IQGAP2: variants seen among roughly 807,000 people sequenced by gnomAD.
The protein encoded by IQGAP2 is IQ motif containing GTPase activating protein 2, also known as ras GTPase-activating-like protein IQGAP2.
In IQGAP2, 173 loss-of-function variants were observed where a neutral mutation model predicts 201.3. The ratio of observed to expected loss-of-function variants is 0.86; its 90% CI spans 0.76 to 0.98. IQGAP2 has a LOEUF of 0.98. Among genes scored for constraint, IQGAP2 ranks in the 50% least tolerant of loss-of-function variants. The pLI, the probability that IQGAP2 is intolerant of heterozygous loss-of-function variation, is 0.00. For missense variants in IQGAP2, 1,687 were observed against 1,864.8 expected, an observed-to-expected ratio of 0.90 and a Z score of 1.76; for synonymous variants, 675 against 673.9, an observed-to-expected ratio of 1.00 and a Z score of -0.03.
At chr5:76,695,780 G>A (rs1415299385) in intron 32 of IQGAP2, 114 bp downstream of exon 32, 1 of 719,588 alleles carries the variant, frequency 1.4e-6, no homozygotes, top group African/African-American at 1.8e-5. Flanking sequence ...CATATGCTGT[G>A]GTTACTGCCC....
chr5:76,691,239 A>T (rs1035513955), intron 30 of IQGAP2, among the ~76,000 whole-genome samples: 3 of 152,158 alleles, frequency 2.0e-5, no homozygotes, highest in Non-Finnish European at 2.9e-5. Flanking sequence ...AGTCCAAGGG[A>T]AACAGGCTGT....
At chr5:76,686,671 A>G (rs1745791217) in intron 30 of IQGAP2, among the ~76,000 whole-genome samples, 1 of 151,858 alleles carries the variant, frequency 6.6e-6, no homozygotes, top group Admixed American at 6.6e-5. Flanking sequence ...CACCATGCCC[A>G]GCTAATTTTT....
chr5:76,593,898 T>G (rs1017045797), intron 9 of IQGAP2, among the ~76,000 whole-genome samples: 1 of 152,224 alleles, frequency 6.6e-6, no homozygotes, highest in Non-Finnish European at 1.5e-5. Flanking sequence ...CTAAGAAGTC[T>G]GCTCCTAAAT....
intron 2 of IQGAP2, among the ~76,000 whole-genome samples, chr5:76,507,655 CTG>C (rs1455902981): frequency 6.6e-6 from 1 of 152,176 alleles, no homozygotes; most frequent in Non-Finnish European, 1.5e-5. Context: ...TGATAAAAGA[CTG>C]TTTTTCAAAA....
intron 1 of IQGAP2, chr5:76,441,397 C>T (rs762044351): frequency 1.8e-5 from 9 of 514,024 alleles, no homozygotes; most frequent in Non-Finnish European, 2.0e-5. Context: ...CGGAAGGAAT[C>T]AGGAATTAAC....
At chr5:76,464,782 C>T (rs1754680486) in intron 2 of IQGAP2, among the ~76,000 whole-genome samples, 2 of 152,066 alleles carry the variant, frequency 1.3e-5, no homozygotes. Context: ...TAAAGGAATA[C>T]TATGAACAAT....
chr5:76,625,147 A>G (rs457717), intron 13 of IQGAP2, among the ~76,000 whole-genome samples: 99,194 of 152,106 alleles, frequency 0.65, 32,584 homozygotes, highest in Middle Eastern at 0.69. Context: ...CGTTAGTTCA[A>G]TGTTTCATAA....
At chr5:76,445,407 C>T (rs1753317169) in intron 1 of IQGAP2, among the ~76,000 whole-genome samples, 1 of 151,328 alleles carries the variant, frequency 6.6e-6, no homozygotes, top group Non-Finnish European at 1.5e-5. Context: ...TAGCACCTGG[C>T]ATATAGAACA....
intron 3 of IQGAP2, 52 bp from the exon 4 acceptor site, chr5:76,570,528 C>A (rs1561471902): frequency 2.4e-6 from 3 of 1,234,412 alleles, no homozygotes; most frequent in Non-Finnish European, 3.6e-6. Flanking sequence ...GCAAATGACT[C>A]ACTTTTTGTG....
intron 8 of IQGAP2, 67 bp from the exon 9 acceptor site, chr5:76,592,771 A>T (rs545609034): frequency 9.6e-7 from 1 of 1,042,906 alleles, no homozygotes. Flanking sequence ...ACATTTTTCC[A>T]TTTGAATTTC....
At chr5:76,647,855 GA>G (rs1267428987) in intron 17 of IQGAP2, among the ~76,000 whole-genome samples, 6 of 103,872 alleles carry the variant, frequency 5.8e-5, no homozygotes, top group East Asian at 2.4e-4. Flanking sequence ...ACACACAAAC[GA>G]AAAAAACTGT....
At chr5:76,589,343 CT>C (rs1746479857) in intron 6 of IQGAP2, among the ~76,000 whole-genome samples, 1 of 150,570 alleles carries the variant, frequency 6.6e-6, no homozygotes. Flanking sequence ...TTACCAATAC[CT>C]TTTTTCCCCA....
chr5:76,622,831 G>A (rs1749836448), intron 13 of IQGAP2, among the ~76,000 whole-genome samples: 1 of 152,018 alleles, frequency 6.6e-6, no homozygotes, highest in African/African-American at 2.4e-5. Context: ...TTAATCCCTA[G>A]AAAAAGTGCC....
chr5:76,579,706 C>A (rs190534282), intron 5 of IQGAP2, among the ~76,000 whole-genome samples: 1 of 151,950 alleles, frequency 6.6e-6, no homozygotes, highest in African/African-American at 2.4e-5. Flanking sequence ...TTTTCATCCC[C>A]TGGGAGACAA....
chr5:76,666,017 A>G (rs1743725663), intron 22 of IQGAP2, among the ~76,000 whole-genome samples: 1 of 152,228 alleles, frequency 6.6e-6, no homozygotes, highest in African/African-American at 2.4e-5. Flanking sequence ...AGATGCTTAG[A>G]TCTTTGTTTG....
chr5:76,403,643 C>T lies in IQGAP2; in HGVS notation c.46+52C>T, dbSNP rs1469122361. The T allele has an allele frequency of 2.8e-6, 4 of 1,410,946 alleles. No homozygotes were observed. Among genetic ancestry groups the T allele is most frequent in the Admixed American group, 3.0e-5 (1 of 33,540 alleles). 87.4% of individuals were successfully genotyped at this position (1,410,946 alleles called of 1,614,324 possible). On this transcript the variant is annotated intron_variant, in intron 1 of 35. Transcript: ENST00000274364. This position sits in a 1 kb window ranked among gnomAD's most constrained non-coding sequence, Gnocchi z 4.8. ...CTGCTGGCCTTGGGGAGCTCCCTCCCCGAGGACGGCGTTGGAGAAGCCGAG... is the reference window on the plus strand; with the variant it reads ...CTGCTGGCCTTGGGGAGCTCCCTCCTCGAGGACGGCGTTGGAGAAGCCGAG...
intron 17 of IQGAP2, among the ~76,000 whole-genome samples, chr5:76,645,035 T>A (rs1751921583): frequency 6.6e-6 from 1 of 152,096 alleles, no homozygotes; most frequent in Non-Finnish European, 1.5e-5. Flanking sequence ...GTGTGTGATG[T>A]TCCCCTCCCT....
chr5:76,623,548 T>A (rs113476851), intron 13 of IQGAP2: 16 of 268,736 alleles, frequency 6.0e-5, no homozygotes, highest in African/African-American at 2.6e-4. Context: ...CCTAGTAGAT[T>A]TGCTTTTAAA....
intron 27 of IQGAP2, 58 bp from the exon 28 acceptor site, chr5:76,677,160 T>C: frequency 6.6e-7 from 1 of 1,522,278 alleles, no homozygotes; most frequent in Non-Finnish European, 8.9e-7. Context: ...GCTATTTTGA[T>C]GAAACTGTTT....
Sources: allele counts gnomAD v4.1 joint callset (sites outside exome capture counted in the v4.1 genomes callset), GRCh38; gene constraint gnomAD v4.1.1; non-coding constraint Gnocchi (gnomAD v3.1); transcripts MANE v1.5; gene names NCBI Gene and HGNC (gene_info 2026-07-23, HGNC 2026-07-21).